FAM163B: variants seen among roughly 807,000 people sequenced by gnomAD.
FAM163B encodes the protein family with sequence similarity 163 member B, also known as protein FAM163B.
A neutral mutation model predicts 7.6 loss-of-function variants in FAM163B; 4 were observed. That is an observed-to-expected ratio of 0.52 (90% confidence interval 0.26 to 1.20). FAM163B has a LOEUF of 1.20. FAM163B is among the 50% of genes most tolerant of loss of function. The pLI is 0.14. For synonymous variants in FAM163B, 120 were observed against 111.6 expected (o/e 1.07, Z -0.47); for missense variants, 250 against 243.0 (o/e 1.03, Z -0.19).
intron 1 of FAM163B, among the ~76,000 whole-genome samples, chr9:133,597,378 T>C (rs1159574057): frequency 6.6e-6 from 1 of 152,046 alleles, no homozygotes; most frequent in Non-Finnish European, 1.5e-5. Context: ...TCAGACTAGA[T>C]ATTACAGAAG....
rs1418129699 is a variant in FAM163B, at chr9:133,601,914, C to T, written c.-24+7163G>A. Among the ~76,000 whole-genome samples, 2 of 152,118 alleles carry T rather than the reference C, an allele frequency of 1.3e-5. No individual in the cohort carries two copies. The highest frequency in any genetic ancestry group is 1.9e-4 in the East Asian group (1 of 5,192). On this transcript the variant is annotated intron_variant, in intron 1 of 2. Coordinates refer to ENST00000673969, the MANE Select transcript of FAM163B (RefSeq NM_001080515.3). The surrounding 1 kb of genome is among the most constrained non-coding windows in gnomAD (Gnocchi z 4.1). Reference sequence around the variant, plus strand: ...CAGGGAGGAAGGGACTCTGAGGGTTCGAGAAACAGGCAGTAGCCAGCACAC... The same window carrying T: ...CAGGGAGGAAGGGACTCTGAGGGTTTGAGAAACAGGCAGTAGCCAGCACAC...
At chr9:133,593,180 G>T (rs1220625739) in intron 1 of FAM163B, among the ~76,000 whole-genome samples, 1 of 152,192 alleles carries the variant, frequency 6.6e-6, no homozygotes, top group Admixed American at 6.5e-5. Flanking sequence ...TTCTGCAGAT[G>T]AGCAAACATC....
chr9:133,579,030 CGGT>C lies in FAM163B; in HGVS notation c.490_492del (p.Thr164del), dbSNP rs1831300453. On this transcript the variant is annotated inframe_deletion, in exon 3 of 3. Coordinates refer to ENST00000673969, the MANE Select transcript of FAM163B (RefSeq NM_001080515.3). ...CCGGGGGCGGGCCCAGGTCACACGTCGGTGCTGATGCTGCGGCTCCTGGCGAAG... is the reference window on the plus strand; with the variant it reads ...CCGGGGGCGGGCCCAGGTCACACGTCGCTGATGCTGCGGCTCCTGGCGAAG... 11 of 1,541,794 alleles carry C rather than the reference CGGT, an allele frequency of 7.1e-6. No individual in the cohort carries two copies. The Admixed American group carries it at 1.8e-4, about 25-fold the overall frequency.
At chr9:133,592,843 G>C (rs1473936251) in intron 1 of FAM163B, among the ~76,000 whole-genome samples, 1 of 152,130 alleles carries the variant, frequency 6.6e-6, no homozygotes, top group East Asian at 1.9e-4. Flanking sequence ...GATGCTGCTG[G>C]AGAGCAACAG....
rs1007906080 is a variant in FAM163B at position 133,606,392 on chromosome 9, T to C, written c.-24+2685A>G. Reference sequence around the variant, plus strand: ...CCCTCTGGAGCAGATCCAGAAAGACTGAGACACTGCAAGAAGTACCAGTGC... The same window carrying C: ...CCCTCTGGAGCAGATCCAGAAAGACCGAGACACTGCAAGAAGTACCAGTGC... On this transcript the variant is annotated intron_variant, in intron 1 of 2. Transcript: ENST00000673969. This position sits in a 1 kb window ranked among gnomAD's most constrained non-coding sequence, Gnocchi z 4.0. Among the ~76,000 whole-genome samples, 1 of 152,226 alleles carries C rather than the reference T, an allele frequency of 6.6e-6. No individual in the cohort carries two copies. The highest frequency in any genetic ancestry group is 1.5e-5 in the Non-Finnish European group (1 of 68,036).
Position 133,579,428 on chromosome 9 carries a change from T to TA in FAM163B, c.94dup (p.Tyr32LeufsTer194). Reference sequence around the variant, plus strand: ...CGACTCGTCCTTCTTGCAGCAGTAGTACTGCGGGCAGAGGGACGGTGACCA... The same window carrying TA: ...CGACTCGTCCTTCTTGCAGCAGTAGTAACTGCGGGCAGAGGGACGGTGACCA... On this transcript the variant is annotated frameshift_variant and splice_region_variant, in exon 3 of 3. Transcript: ENST00000673969. LOFTEE classifies it low-confidence loss of function (END_TRUNC). The TA allele has an allele frequency of 6.3e-7, 1 of 1,593,222 alleles. No homozygotes were observed. Among genetic ancestry groups the TA allele is most frequent in the Non-Finnish European group, 8.5e-7 (1 of 1,170,284 alleles).
intron 1 of FAM163B, among the ~76,000 whole-genome samples, chr9:133,599,880 CATGCAT>C (rs1286890548): frequency 1.4e-5 from 2 of 147,292 alleles, no homozygotes; most frequent in African/African-American, 5.1e-5. Context: ...TGTCTGTGTG[CATGCAT>C]ATGCATGTGC....
At chr9:133,584,848 G>A (rs11531921) in intron 1 of FAM163B, among the ~76,000 whole-genome samples, 2,328 of 152,350 alleles carry the variant, frequency 0.015, 30 homozygotes, top group Non-Finnish European at 0.024. Context: ...CTACTCTGCC[G>A]CCTGCTTGTG....
At chr9:133,598,475 G>T (rs1255647976) in intron 1 of FAM163B, among the ~76,000 whole-genome samples, 2 of 152,074 alleles carry the variant, frequency 1.3e-5, no homozygotes, top group African/African-American at 4.8e-5. Context: ...AAGGTTACAG[G>T]CAGTTTCCAT....
chr9:133,604,705 G>A (rs563250256), intron 1 of FAM163B, among the ~76,000 whole-genome samples: 114 of 152,050 alleles, frequency 7.5e-4, no homozygotes, highest in Non-Finnish European at 1.3e-3. Context: ...CCTGGGGGCC[G>A]GTTACAACAG....
chr9:133,600,259 C>CTGTGTGTG lies in FAM163B; in HGVS notation c.-24+8810_-24+8817dup, dbSNP rs3074996. On this transcript the variant is annotated intron_variant, in intron 1 of 2. Coordinates refer to ENST00000673969, the MANE Select transcript of FAM163B (RefSeq NM_001080515.3). The surrounding 1 kb of genome is among the most constrained non-coding windows in gnomAD (Gnocchi z 4.9). ...CTGTGTGCATGTGTGTGAGTGTGGT[C>CTGTGTGTG]TGTGTGTGTGTGTGTGTGTGTGTGT... Among the ~76,000 whole-genome samples the CTGTGTGTG allele has an allele frequency of 6.8e-6, 1 of 146,484 alleles. No homozygotes were observed. The highest frequency in any genetic ancestry group is 1.5e-5 in the Non-Finnish European group (1 of 66,262).
intron 1 of FAM163B, among the ~76,000 whole-genome samples, chr9:133,589,770 G>C (rs1322445845): frequency 1.3e-5 from 2 of 152,178 alleles, no homozygotes; most frequent in Non-Finnish European, 2.9e-5. Flanking sequence ...GTGTTTCCCA[G>C]GGGGCGGGAA....
chr9:133,602,495 T>A (rs1443208604), intron 1 of FAM163B, among the ~76,000 whole-genome samples: 2 of 152,018 alleles, frequency 1.3e-5, no homozygotes, highest in Non-Finnish European at 2.9e-5. Flanking sequence ...TGGGCAATGA[T>A]GAGCGCTCCC....
chr9:133,599,628 GTA>G (rs1564196964), intron 1 of FAM163B, among the ~76,000 whole-genome samples: 430 of 151,798 alleles, frequency 2.8e-3, no homozygotes, highest in African/African-American at 9.4e-3. Flanking sequence ...CTGCATGCAT[GTA>G]TGTGTAAGTG....
intron 2 of FAM163B, 93 bp downstream of exon 2, chr9:133,580,038 G>T: frequency 9.4e-7 from 1 of 1,065,550 alleles, no homozygotes; most frequent in Non-Finnish European, 1.4e-6. Flanking sequence ...CCCGGGCCGT[G>T]ACCCTTGTGA....
Position 133,600,629 on chromosome 9 carries a change from G to T in FAM163B, c.-24+8448C>A, listed in dbSNP as rs1240783292. Among the ~76,000 whole-genome samples, 1 of 152,092 alleles carries T rather than the reference G, an allele frequency of 6.6e-6. No homozygotes were observed. The highest frequency in any genetic ancestry group is 2.4e-5 in the African/African-American group (1 of 41,408). Reference sequence around the variant, plus strand: ...GGTAAAACCAGAGGGTAAAAGGATGGGTGGAAGCCCAAGACTCGTGGGGCT... The same window carrying T: ...GGTAAAACCAGAGGGTAAAAGGATGTGTGGAAGCCCAAGACTCGTGGGGCT... On this transcript the variant is annotated intron_variant, in intron 1 of 2. Coordinates refer to ENST00000673969, the MANE Select transcript of FAM163B (RefSeq NM_001080515.3). This position sits in a 1 kb window ranked among gnomAD's most constrained non-coding sequence, Gnocchi z 4.9.
rs1831787322 is a variant in FAM163B at position 133,606,153 on chromosome 9, C to T, written c.-24+2924G>A. Among the ~76,000 whole-genome samples, 1 of 152,186 alleles carries T rather than the reference C, an allele frequency of 6.6e-6. No individual in the cohort carries two copies. The highest frequency in any genetic ancestry group is 1.5e-5 in the Non-Finnish European group (1 of 68,036). ...GGAGGCACAGTCTCCATTTTCCAGC[C>T]CAAGACCTTCAGGCCCAGGGTTCCA... On this transcript the variant is annotated intron_variant, in intron 1 of 2. Transcript: ENST00000673969. This position sits in a 1 kb window ranked among gnomAD's most constrained non-coding sequence, Gnocchi z 4.0.
chr9:133,592,863 G>A (rs1444029049), intron 1 of FAM163B, among the ~76,000 whole-genome samples: 2 of 152,012 alleles, frequency 1.3e-5, no homozygotes, highest in Non-Finnish European at 2.9e-5. Flanking sequence ...GGCTGACCCC[G>A]GGCTGCACAC....
intron 1 of FAM163B, among the ~76,000 whole-genome samples, chr9:133,603,117 T>C (rs1444956863): frequency 6.6e-6 from 1 of 152,144 alleles, no homozygotes; most frequent in African/African-American, 2.4e-5. Flanking sequence ...TTAGGAAAGT[T>C]CCCTAATGAA....
Sources: allele counts gnomAD v4.1 joint callset (sites outside exome capture counted in the v4.1 genomes callset), GRCh38; gene constraint gnomAD v4.1.1; non-coding constraint Gnocchi (gnomAD v3.1); transcripts MANE v1.5; gene names NCBI Gene and HGNC (gene_info 2026-07-23, HGNC 2026-07-21).